PCYT1B: variants seen among roughly 807,000 people sequenced by gnomAD.
The protein encoded by PCYT1B is choline-phosphate cytidylyltransferase B.
Under a neutral mutation model 26.4 loss-of-function variants are expected in PCYT1B, and 10 were observed. The ratio of observed to expected loss-of-function variants is 0.38; its 90% CI spans 0.23 to 0.64. The LOEUF (loss-of-function observed/expected upper bound fraction) is 0.64. Ranked by LOEUF, PCYT1B falls within the 30% of genes least tolerant of loss-of-function variation. The pLI, the probability that PCYT1B is intolerant of heterozygous loss-of-function variation, is 0.56. For synonymous variants in PCYT1B, 131 were observed against 108.4 expected (o/e 1.21, Z -1.29); for missense variants, 161 against 292.7 (o/e 0.55, Z 3.28).
chrX:24,584,601 T>C (rs896190539), intron 5 of PCYT1B, among the ~76,000 whole-genome samples: 1 of 112,441 alleles, frequency 8.9e-6, no homozygotes, highest in African/African-American at 3.2e-5. Context: ...CTGCAGGGGA[T>C]GGCATGGAGC....
At chrX:24,614,279 C>G in intron 2 of PCYT1B, among the ~76,000 whole-genome samples, 1 of 112,536 alleles carries the variant, frequency 8.9e-6, no homozygotes, top group Non-Finnish European at 1.9e-5. Flanking sequence ...GTCATTACCT[C>G]TTCTAGAATT....
chrX:24,591,689 T>G (rs142213883), intron 3 of PCYT1B, among the ~76,000 whole-genome samples: 2,996 of 111,511 alleles, frequency 0.027, 55 homozygotes, highest in African/African-American at 0.058. Context: ...TCCCAAAGTG[T>G]TGGGATTACA....
At chrX:24,671,466 G>A (rs990868568) in intron 1 of PCYT1B, among the ~76,000 whole-genome samples, 2 of 111,216 alleles carry the variant, frequency 1.8e-5, no homozygotes, top group African/African-American at 6.5e-5. Flanking sequence ...ACATGGAGGT[G>A]ACTGGGGAAG....
Position 24,613,902 on chromosome X carries a change from G to A in PCYT1B, c.217+5083C>T, listed in dbSNP as rs150475329. The stretch of plus-strand genomic sequence containing the variant: ...TGGGAGGTTAAGACTGCAGTGAGCT[G>A]TGATTGCAACACTGCACTCCAGCCT... On this transcript the variant is annotated intron_variant, in intron 2 of 7. Transcript: ENST00000379144. Among the ~76,000 whole-genome samples, 525 of 101,668 alleles carry A rather than the reference G, an allele frequency of 5.2e-3. 4 individuals carry two copies. Among genetic ancestry groups the A allele is most frequent in the African/African-American group, 0.017 (489 of 28,237 alleles). 88.3% of individuals were successfully genotyped at this position (101,668 alleles called of 115,157 possible).
chrX:24,595,310 G>A (rs1195280770), intron 3 of PCYT1B, among the ~76,000 whole-genome samples: 2 of 109,437 alleles, frequency 1.8e-5, no homozygotes, highest in Non-Finnish European at 1.9e-5. Context: ...AGGGCCAAAT[G>A]TCTATGGATC....
At chrX:24,651,454 C>CAAAAAAA (rs1188690484), upstream of PCYT1B, among the ~76,000 whole-genome samples, 5 of 11,064 alleles carry the variant, frequency 4.5e-4, no homozygotes, top group Admixed American at 1.7e-3. Context: ...GATGCCATCT[C>CAAAAAAA]AAAAAAAAAA....
At chrX:24,672,640 C>T in exon 1 of PCYT1B, 1 of 1,192,644 alleles carries the variant, frequency 8.4e-7, no homozygotes, top group Non-Finnish European at 1.1e-6. Flanking sequence ...CATGCCTGCT[C>T]CTGATCTTTT....
upstream of PCYT1B, chrX:24,672,754 G>A (rs1343061480): frequency 5.7e-6 from 3 of 530,246 alleles, no homozygotes; most frequent in East Asian, 6.9e-5. Flanking sequence ...TGTGCCCAGC[G>A]CTCAAAGATA....
At chrX:24,660,867 A>C (rs1310753229) in intron 1 of PCYT1B, among the ~76,000 whole-genome samples, 1 of 111,094 alleles carries the variant, frequency 9.0e-6, no homozygotes, top group Non-Finnish European at 1.9e-5. Context: ...TCTGGATAAC[A>C]ACCTCATTCC....
chrX:24,576,785 C>G (rs1924030013), intron 6 of PCYT1B, among the ~76,000 whole-genome samples: 1 of 111,055 alleles, frequency 9.0e-6, no homozygotes, highest in Admixed American at 9.7e-5. Context: ...CCGTTACTTA[C>G]TAGGTGACCT....
In PCYT1B at chrX:24,644,449, T is replaced by TACACACACACACAC. The variant is rs201474505; in HGVS notation, c.117+2526_117+2539dup. 3.2e-3 allele frequency among the ~76,000 whole-genome samples: 305 copies of TACACACACACACAC among 95,352 alleles called. 2 individuals carry two copies. The highest frequency in any genetic ancestry group is 0.011 in the African/African-American group (287 of 25,360). 82.8% of individuals were successfully genotyped at this position (95,352 alleles called of 115,157 possible). ...GTATCATACCTATGCATGTGCATGA[T>TACACACACACACAC]ACACACACACACACACACACACACA... On this transcript the variant is annotated intron_variant, in intron 1 of 7. Coordinates refer to ENST00000379144, the MANE Select transcript of PCYT1B (RefSeq NM_004845.5).
intron 1 of PCYT1B, among the ~76,000 whole-genome samples, chrX:24,637,479 T>TA (rs1201643219): frequency 0.049 from 2,873 of 59,221 alleles, 195 homozygotes; most frequent in East Asian, 0.11. Context: ...CCATCTCTAC[T>TA]AAAAAAAAAA....
At chrX:24,625,291 C>T (rs1925847379) in intron 1 of PCYT1B, among the ~76,000 whole-genome samples, 1 of 112,262 alleles carries the variant, frequency 8.9e-6, no homozygotes, top group Non-Finnish European at 1.9e-5. Context: ...CAGCCTCATA[C>T]TGTTAGGTTT....
chrX:24,571,812 G>T (rs1809910898), intron 7 of PCYT1B, among the ~76,000 whole-genome samples: 1 of 111,094 alleles, frequency 9.0e-6, no homozygotes, highest in Non-Finnish European at 1.9e-5. Context: ...GCTGGGCATG[G>T]TGGCACACAC....
chrX:24,596,573 C>G (rs1328395278), intron 3 of PCYT1B, among the ~76,000 whole-genome samples: 3 of 96,987 alleles, frequency 3.1e-5, no homozygotes, highest in Admixed American at 1.2e-4. Flanking sequence ...GCCTGGGCAA[C>G]AGAGTGAGAC....
At chrX:24,597,910 T>A (rs1041298221) in intron 3 of PCYT1B, among the ~76,000 whole-genome samples, 1 of 112,386 alleles carries the variant, frequency 8.9e-6, no homozygotes. Flanking sequence ...AAAAAATGGC[T>A]TTTTCATGTA....
chrX:24,637,509 T>TAAAA (rs1555963552), intron 1 of PCYT1B, among the ~76,000 whole-genome samples: 3 of 64,093 alleles, frequency 4.7e-5, no homozygotes, highest in East Asian at 9.8e-4. Flanking sequence ...TATATATATA[T>TAAAA]ATAAATTAGC....
chrX:24,651,165 C>A (rs1218184531), upstream of PCYT1B, among the ~76,000 whole-genome samples: 1 of 110,404 alleles, frequency 9.1e-6, no homozygotes, highest in East Asian at 2.8e-4. Context: ...CTGCCTTTAA[C>A]AAATATTCAA....
intron 1 of PCYT1B, among the ~76,000 whole-genome samples, chrX:24,629,559 CAAAAAAAAAA>C (rs1165553186): frequency 1.9e-4 from 3 of 16,100 alleles, no homozygotes; most frequent in African/African-American, 6.5e-4. Flanking sequence ...GACCCTGTCT[CAAAAAAAAAA>C]AAAAAAAAAA....
Sources: gnomAD v4.1 joint callset for allele counts (sites outside exome capture counted in the v4.1 genomes callset) on GRCh38, gnomAD v4.1.1 for gene constraint, MANE v1.5 for transcripts, NCBI Gene and HGNC (gene_info 2026-07-23, HGNC 2026-07-21) for gene names.